Variants in SLC22A25 observed in about 807,000 individuals in gnomAD.
The protein encoded by SLC22A25 is solute carrier family 22 member 25.
A neutral mutation model predicts 45.9 loss-of-function variants in SLC22A25; 44 were observed. That is an observed-to-expected ratio of 0.96 (90% CI 0.75 to 1.23). The LOEUF is 1.23. Among genes scored for constraint, SLC22A25 ranks in the 50% most tolerant of loss-of-function variants. SLC22A25 has a pLI of 0.00. For synonymous variants in SLC22A25, 283 were observed against 238.6 expected, an observed-to-expected ratio of 1.19 and a Z score of -1.72; for missense variants, 800 against 666.4, an observed-to-expected ratio of 1.20 and a Z score of -2.21.
chr11:63,199,867 T>C (rs917434350), intron 7 of SLC22A25, among the ~76,000 whole-genome samples: 1 of 151,640 alleles, frequency 6.6e-6, no homozygotes, highest in Admixed American at 6.6e-5. Flanking sequence ...TTGCACACTA[T>C]GGGATAAATT....
At chr11:63,210,961 T>A (rs2089541781) in intron 7 of SLC22A25, among the ~76,000 whole-genome samples, 1 of 152,132 alleles carries the variant, frequency 6.6e-6, no homozygotes, top group Non-Finnish European at 1.5e-5. Context: ...AATATGACCC[T>A]GGAGATAGAG....
intron 3 of SLC22A25, among the ~76,000 whole-genome samples, chr11:63,235,948 C>T (rs530084452): frequency 1.1e-4 from 16 of 152,302 alleles, no homozygotes; most frequent in Admixed American, 7.2e-4. Flanking sequence ...GCGGTGGCTG[C>T]AGAACAGCAG....
rs1225603114 is a variant in SLC22A25 at position 63,159,387 on chromosome 11, T to A, written c.*4437A>T. Among the ~76,000 whole-genome samples the A allele has an allele frequency of 2.6e-5, 4 of 152,110 alleles. No homozygotes were observed. Among genetic ancestry groups the A allele is most frequent in the African/African-American group, 9.7e-5 (4 of 41,402 alleles). On this transcript the variant is annotated 3_prime_UTR_variant, in exon 12 of 12. Coordinates refer to ENST00000306494, the MANE Select transcript of SLC22A25 (RefSeq NM_199352.6). ...GAGGTAATTGAATCATGGGGCCAGG[T>A]CTTTCCCGTGCTATTCTTGTGATAC...
rs1216787847 is a variant in SLC22A25 at position 63,161,505 on chromosome 11, C to T, written c.*2319G>A. On this transcript the variant is annotated 3_prime_UTR_variant, in exon 12 of 12. Transcript: ENST00000306494. The stretch of plus-strand genomic sequence containing the variant: ...ATTCCCACACATCATGGGAGGGATC[C>T]AGTGGGAGGTAACTGAATCATGGGG... 6.6e-6 allele frequency among the ~76,000 whole-genome samples: 1 copy of T among 152,162 alleles called. No individual in the cohort carries two copies. The highest frequency in any genetic ancestry group is 1.5e-5 in the Non-Finnish European group (1 of 68,020).
chr11:63,181,819 T>C (rs895684388), intron 8 of SLC22A25, among the ~76,000 whole-genome samples: 1 of 152,108 alleles, frequency 6.6e-6, no homozygotes, highest in African/African-American at 2.4e-5. Context: ...GTGTTAGAAA[T>C]CCTGTTGAGG....
chr11:63,234,567 C>T (rs181142644), intron 3 of SLC22A25, among the ~76,000 whole-genome samples: 35 of 152,318 alleles, frequency 2.3e-4, no homozygotes, highest in African/African-American at 8.2e-4. Flanking sequence ...ATACAGCACA[C>T]TGATGGGTCT....
chr11:63,235,465 G>A (rs1177577668), intron 3 of SLC22A25, among the ~76,000 whole-genome samples: 6 of 152,106 alleles, frequency 3.9e-5, no homozygotes, highest in African/African-American at 1.4e-4. Context: ...CATTTGTCAC[G>A]TAGTTCTTGT....
intron 7 of SLC22A25, among the ~76,000 whole-genome samples, chr11:63,201,012 A>G (rs902047213): frequency 6.6e-6 from 1 of 152,228 alleles, no homozygotes; most frequent in Admixed American, 6.5e-5. Flanking sequence ...CAGAGATGAT[A>G]CAAACAGAAA....
intron 7 of SLC22A25, among the ~76,000 whole-genome samples, chr11:63,210,045 T>G (rs978733938): frequency 1.3e-5 from 2 of 152,176 alleles, no homozygotes; most frequent in Admixed American, 6.5e-5. Context: ...ATCAGAAGTG[T>G]GCCAAAAGCC....
chr11:63,164,921 T>G (rs1217459977), intron 10 of SLC22A25, among the ~76,000 whole-genome samples: 2 of 140,724 alleles, frequency 1.4e-5, no homozygotes, highest in African/African-American at 5.5e-5. Flanking sequence ...AGCTAAAGAG[T>G]TTTTTTTTTG....
chr11:63,200,777 G>C (rs1164568823), intron 7 of SLC22A25, among the ~76,000 whole-genome samples: 1 of 152,104 alleles, frequency 6.6e-6, no homozygotes, highest in Non-Finnish European at 1.5e-5. Context: ...CAGACCAAAA[G>C]CTTCTTAAGC....
intron 9 of SLC22A25, among the ~76,000 whole-genome samples, chr11:63,170,020 A>G (rs2087823466): frequency 6.6e-6 from 1 of 152,188 alleles, no homozygotes; most frequent in African/African-American, 2.4e-5. Context: ...CTCATTCAAA[A>G]CCACTCAACT....
intron 3 of SLC22A25, among the ~76,000 whole-genome samples, chr11:63,236,015 G>T (rs1351831605): frequency 6.6e-6 from 1 of 152,156 alleles, no homozygotes; most frequent in Non-Finnish European, 1.5e-5. Flanking sequence ...TTTTGTCTCA[G>T]AGGAGTACCC....
At chr11:63,193,619 T>C (rs1038603582) in intron 7 of SLC22A25, among the ~76,000 whole-genome samples, 1 of 151,932 alleles carries the variant, frequency 6.6e-6, no homozygotes, top group African/African-American at 2.4e-5. Flanking sequence ...AGCACCAACA[T>C]CAACAAAAAG....
chr11:63,240,542 T>A (rs1040225580), intron 1 of SLC22A25, among the ~76,000 whole-genome samples: 2 of 152,242 alleles, frequency 1.3e-5, no homozygotes, highest in Non-Finnish European at 2.9e-5. Flanking sequence ...TTTTAGTTTT[T>A]AAAAAACTTT....
intron 11 of SLC22A25, 57 bp downstream of exon 11, chr11:63,164,469 C>A (rs937030099): frequency 1.4e-6 from 2 of 1,429,566 alleles, no homozygotes; most frequent in South Asian, 1.2e-5. Flanking sequence ...TGTTAAGTGT[C>A]AATTGGTTGA....
chr11:63,237,411 G>A (rs953571377), intron 3 of SLC22A25, among the ~76,000 whole-genome samples: 1 of 152,142 alleles, frequency 6.6e-6, no homozygotes, highest in Non-Finnish European at 1.5e-5. Flanking sequence ...CTGATGATAG[G>A]ATGAAATCCA....
intron 11 of SLC22A25, among the ~76,000 whole-genome samples, 159 bp downstream of exon 11, chr11:63,164,367 C>T (rs1281582553): frequency 1.3e-5 from 2 of 152,294 alleles, no homozygotes; most frequent in African/African-American, 4.8e-5. Flanking sequence ...GGAACAAAGT[C>T]AGCTTGATAT....
chr11:63,236,571 C>T (rs916366220), intron 3 of SLC22A25, among the ~76,000 whole-genome samples: 5 of 152,124 alleles, frequency 3.3e-5, no homozygotes, highest in Admixed American at 6.5e-5. Context: ...AAAGGGAATT[C>T]GCTGACCCCT....
Sources: gnomAD v4.1 joint callset for allele counts (sites outside exome capture counted in the v4.1 genomes callset) on GRCh38, gnomAD v4.1.1 for gene constraint, MANE v1.5 for transcripts, NCBI Gene and HGNC (gene_info 2026-07-23, HGNC 2026-07-21) for gene names.